SPIDR: variants seen among roughly 807,000 people sequenced by gnomAD.
The protein encoded by SPIDR is scaffold protein involved in DNA repair.
Under a neutral mutation model 104.6 loss-of-function variants are expected in SPIDR, and 93 were observed. The observed-to-expected ratio is 0.89, with a 90% CI of 0.75 to 1.06. The LOEUF (loss-of-function observed/expected upper bound fraction) is 1.06. Ranked by LOEUF, SPIDR falls within the 50% of genes least tolerant of loss-of-function variation. The probability of loss-of-function intolerance (pLI) is 0.00; values close to 1 mark genes in which losing one functional copy is unlikely to be tolerated. For synonymous variants in SPIDR, 431 were observed against 416.9 expected (o/e 1.03, Z -0.41); for missense variants, 1,154 against 1,111.2 (o/e 1.04, Z -0.55).
At chr8:47,721,582 C>G (rs929725044) in intron 16 of SPIDR, among the ~76,000 whole-genome samples, 1 of 152,108 alleles carries the variant, frequency 6.6e-6, no homozygotes, top group Non-Finnish European at 1.5e-5. Flanking sequence ...CGCCATTCTC[C>G]TGCCTCAGCC....
intron 6 of SPIDR, among the ~76,000 whole-genome samples, chr8:47,400,380 C>T (rs1554661653): frequency 6.6e-6 from 1 of 152,170 alleles, no homozygotes. Context: ...AGTTACTATG[C>T]TTAAATACTA....
At chr8:47,700,355 C>T in intron 11 of SPIDR, 48 bp from the exon 12 acceptor site, 1 of 1,586,892 alleles carries the variant, frequency 6.3e-7, no homozygotes, top group Non-Finnish European at 8.7e-7. Context: ...GCCAAGTACT[C>T]AGTAAGGGAT....
chr8:47,703,390 A>C (rs1273539294), intron 14 of SPIDR, among the ~76,000 whole-genome samples: 1 of 152,250 alleles, frequency 6.6e-6, no homozygotes, highest in African/African-American at 2.4e-5. Context: ...GTATCATTAA[A>C]TCAGTGTTAT....
chr8:47,717,515 A>G (rs947883473), intron 16 of SPIDR, among the ~76,000 whole-genome samples: 19 of 152,168 alleles, frequency 1.2e-4, no homozygotes, highest in Non-Finnish European at 2.5e-4. Flanking sequence ...ACTACGGCCA[A>G]TGAGTGCCAC....
intron 8 of SPIDR, among the ~76,000 whole-genome samples, chr8:47,502,768 G>A (rs1443912620): frequency 1.3e-5 from 2 of 152,092 alleles, no homozygotes; most frequent in Non-Finnish European, 2.9e-5. Context: ...TCTCTTATGG[G>A]CATTTAGTGC....
At chr8:47,572,754 C>CA (rs2058680582) in intron 8 of SPIDR, among the ~76,000 whole-genome samples, 1 of 151,924 alleles carries the variant, frequency 6.6e-6, no homozygotes, top group Non-Finnish European at 1.5e-5. Context: ...ATGTGGTTTG[C>CA]AATTGAGAAA....
intron 8 of SPIDR, chr8:47,527,928 G>A (rs2085286891): frequency 6.6e-6 from 1 of 152,158 alleles, no homozygotes; most frequent in African/African-American, 2.4e-5. Context: ...TCTACTTGGA[G>A]ATGGTGTGTC....
At chr8:47,629,567 A>T (rs1008576145) in intron 10 of SPIDR, among the ~76,000 whole-genome samples, 1 of 152,236 alleles carries the variant, frequency 6.6e-6, no homozygotes, top group Non-Finnish European at 1.5e-5. Flanking sequence ...AGCCTGGCCA[A>T]CATAGTGAAG....
chr8:47,580,284 AGAC>A (rs1245740105), intron 8 of SPIDR, among the ~76,000 whole-genome samples: 1 of 152,236 alleles, frequency 6.6e-6, no homozygotes, highest in Non-Finnish European at 1.5e-5. Context: ...GCTAAACAAT[AGAC>A]AACAACTAAT....
chr8:47,538,875 T>A (rs576943809), intron 8 of SPIDR, among the ~76,000 whole-genome samples: 1 of 145,764 alleles, frequency 6.9e-6, no homozygotes. Flanking sequence ...TTTTTTTTTT[T>A]TTTGAGACAG....
intron 8 of SPIDR, among the ~76,000 whole-genome samples, chr8:47,538,857 CTT>C (rs1161571829): frequency 7.9e-5 from 8 of 100,866 alleles, no homozygotes; most frequent in Middle Eastern, 6.3e-3. Context: ...TTTTTCTTTT[CTT>C]TTTTTTTTTT....
chr8:47,308,486 C>T (rs1455009952), intron 5 of SPIDR, among the ~76,000 whole-genome samples: 1 of 151,824 alleles, frequency 6.6e-6, no homozygotes, highest in Admixed American at 6.6e-5. Flanking sequence ...TTTTCTAAGC[C>T]TGAGTTTTTC....
At chr8:47,291,915 T>A (rs1017406036) in intron 4 of SPIDR, among the ~76,000 whole-genome samples, 1 of 152,192 alleles carries the variant, frequency 6.6e-6, no homozygotes, top group African/African-American at 2.4e-5. Flanking sequence ...TTGACACTCT[T>A]GACATTTTGG....
chr8:47,410,945 T>C (rs1297859365), intron 7 of SPIDR, among the ~76,000 whole-genome samples: 1 of 152,198 alleles, frequency 6.6e-6, no homozygotes, highest in African/African-American at 2.4e-5. Context: ...TTGCTGAGAA[T>C]AATGGCTTCC....
At chr8:47,658,493 G>A (rs1444370960) in intron 10 of SPIDR, among the ~76,000 whole-genome samples, 1 of 152,004 alleles carries the variant, frequency 6.6e-6, no homozygotes, top group Non-Finnish European at 1.5e-5. Flanking sequence ...TTGTGTCAGC[G>A]GTTTTATTTG....
chr8:47,530,958 T>C (rs919850881), intron 8 of SPIDR, among the ~76,000 whole-genome samples: 2 of 152,074 alleles, frequency 1.3e-5, no homozygotes, highest in Non-Finnish European at 2.9e-5. Context: ...TCCCCCAGAC[T>C]GGAGTGCAGT....
At chr8:47,658,942 C>CAAA (rs772463596) in intron 10 of SPIDR, among the ~76,000 whole-genome samples, 42 of 71,960 alleles carry the variant, frequency 5.8e-4, no homozygotes, top group Middle Eastern at 0.02. Context: ...ATCTCCATCT[C>CAAA]AAAAAAAAAA....
chr8:47,356,177 G>A (rs555487035), intron 5 of SPIDR, among the ~76,000 whole-genome samples: 10 of 152,328 alleles, frequency 6.6e-5, no homozygotes, highest in East Asian at 1.9e-4. Context: ...TGATAACAGC[G>A]TAATAGATAC....
In SPIDR at chr8:47,344,387, G is replaced by C. The variant is rs542949167; in HGVS notation, c.525+50357G>C. 5.7e-3 allele frequency among the ~76,000 whole-genome samples: 863 copies of C among 152,250 alleles called. 5 individuals carry two copies. Among genetic ancestry groups the C allele is most frequent in the Middle Eastern group, 0.024 (7 of 294 alleles). On this transcript the variant is annotated intron_variant, in intron 5 of 19. Transcript: ENST00000297423. ...CTATCATTGTTGGACATTTGGGTTG[G>C]TTCCAAGTCTTTGCTATTGTGAATA...
Sources: allele counts gnomAD v4.1 joint callset (sites outside exome capture counted in the v4.1 genomes callset), GRCh38; gene constraint gnomAD v4.1.1; transcripts MANE v1.5; gene names NCBI Gene and HGNC (gene_info 2026-07-23, HGNC 2026-07-21).